Variants in CDC14B observed in about 807,000 individuals in gnomAD.
CDC14B encodes the protein cell division cycle 14B, also known as dual specificity protein phosphatase CDC14B.
CDC14B carries 22 observed loss-of-function variants against 64.2 expected under a neutral mutation model. The ratio of observed to expected loss-of-function variants is 0.34; its 90% CI spans 0.24 to 0.49. The LOEUF is 0.49. Ranked by LOEUF, CDC14B falls within the 20% of genes least tolerant of loss-of-function variation. The pLI, the probability that CDC14B is intolerant of heterozygous loss-of-function variation, is 0.99. For missense variants in CDC14B, 498 were observed against 629.9 expected (o/e 0.79, Z 2.24); for synonymous variants, 191 against 215.8 (o/e 0.89, Z 1.01).
intron 9 of CDC14B, among the ~76,000 whole-genome samples, chr9:96,530,766 A>C (rs1192255767): frequency 6.6e-6 from 1 of 151,936 alleles, no homozygotes; most frequent in Non-Finnish European, 1.5e-5. Flanking sequence ...AAAAGCTTTC[A>C]GTCTTTCACC....
chr9:96,505,509 C>A (rs1834002075), intron 13 of CDC14B, among the ~76,000 whole-genome samples: 1 of 152,226 alleles, frequency 6.6e-6, no homozygotes, highest in Non-Finnish European at 1.5e-5. Context: ...TGGCTGCAGG[C>A]TCTCACTCGG....
chr9:96,598,651 A>T (rs1326236042), intron 1 of CDC14B, among the ~76,000 whole-genome samples: 1 of 151,974 alleles, frequency 6.6e-6, no homozygotes, highest in Non-Finnish European at 1.5e-5. Context: ...TGAAGTCATT[A>T]AAAAAAACTA....
intron 1 of CDC14B, among the ~76,000 whole-genome samples, chr9:96,586,237 C>G (rs1414576082): frequency 6.6e-6 from 1 of 152,110 alleles, no homozygotes; most frequent in Admixed American, 6.5e-5. Flanking sequence ...GAAAAGGCTA[C>G]AGAATTAATG....
At chr9:96,560,462 A>C (rs1366496460) in intron 4 of CDC14B, among the ~76,000 whole-genome samples, 2 of 152,122 alleles carry the variant, frequency 1.3e-5, no homozygotes, top group Non-Finnish European at 2.9e-5. Flanking sequence ...GATTTATGTT[A>C]ATCTATGAGG....
At chr9:96,555,194 G>C (rs928475375) in intron 4 of CDC14B, among the ~76,000 whole-genome samples, 1 of 152,116 alleles carries the variant, frequency 6.6e-6, no homozygotes, top group Non-Finnish European at 1.5e-5. Flanking sequence ...CCTGTGTAAC[G>C]AACAGGATAC....
chr9:96,584,820 A>AT (rs1055270458), intron 1 of CDC14B, among the ~76,000 whole-genome samples: 14 of 151,842 alleles, frequency 9.2e-5, no homozygotes, highest in Non-Finnish European at 1.8e-4. Flanking sequence ...TGCCTGGCCA[A>AT]TTTTTTTGTC....
At chr9:96,586,410 C>T (rs1192546827) in intron 1 of CDC14B, among the ~76,000 whole-genome samples, 1 of 152,008 alleles carries the variant, frequency 6.6e-6, no homozygotes, top group Non-Finnish European at 1.5e-5. Context: ...TAATTGTATC[C>T]TTCTTCAGTC....
At chr9:96,508,870 C>T in intron 13 of CDC14B, among the ~76,000 whole-genome samples, 1 of 152,174 alleles carries the variant, frequency 6.6e-6, no homozygotes, top group East Asian at 1.9e-4. Flanking sequence ...GCAGGGTACA[C>T]GTGCAGGACA....
At chr9:96,542,730 G>A (rs2131879341) in intron 5 of CDC14B, among the ~76,000 whole-genome samples, 1 of 151,628 alleles carries the variant, frequency 6.6e-6, no homozygotes, top group East Asian at 1.9e-4. Flanking sequence ...CCCGGCCTCT[G>A]CCGGGCGCAG....
At position 96,515,012 on chromosome 9, in the gene CDC14B, G is replaced by A. The variant is rs1835438526; in HGVS notation, c.1344-5223C>T. ...TGGAAATGCACCAATTTAAACAGGC[G>A]ACCTCAGCTCCGACCTCCTACTTTC... is the stretch of plus-strand genomic sequence containing the variant. On this transcript the variant is annotated intron_variant, in intron 12 of 13. Coordinates refer to ENST00000375241, the MANE Select transcript of CDC14B (RefSeq NM_033331.4). This position sits in a 1 kb window ranked among gnomAD's most constrained non-coding sequence, Gnocchi z 4.3. The A allele has an allele frequency of 2.7e-6, 2 of 740,654 alleles. No individual in the cohort carries two copies. The highest frequency in any genetic ancestry group is 6.3e-5 in the Admixed American group (1 of 15,950). 45.9% of individuals were successfully genotyped at this position (740,654 alleles called of 1,614,324 possible). A position where few individuals can be genotyped will look rare whatever the true frequency, so the allele number is the denominator to read the frequency against.
At chr9:96,586,865 T>A (rs563143022) in intron 1 of CDC14B, among the ~76,000 whole-genome samples, 1 of 151,820 alleles carries the variant, frequency 6.6e-6, no homozygotes, top group African/African-American at 2.4e-5. Context: ...TAAAAAAACA[T>A]GAACTGGATT....
At chr9:96,568,097 TC>T (rs774705263) in intron 1 of CDC14B, among the ~76,000 whole-genome samples, 2 of 152,166 alleles carry the variant, frequency 1.3e-5, no homozygotes, top group Non-Finnish European at 1.5e-5. Flanking sequence ...TCATTTTCAT[TC>T]CCTCCTGTAT....
At chr9:96,536,014 C>T (rs1479874893) in intron 7 of CDC14B, among the ~76,000 whole-genome samples, 2 of 152,164 alleles carry the variant, frequency 1.3e-5, no homozygotes, top group Non-Finnish European at 2.9e-5. Flanking sequence ...AATAACAAAC[C>T]CGTGATCAGT....
At chr9:96,518,986 T>A (rs1347359586) in intron 12 of CDC14B, among the ~76,000 whole-genome samples, 3 of 150,570 alleles carry the variant, frequency 2.0e-5, no homozygotes, top group Non-Finnish European at 4.4e-5. Context: ...AATACAAAAA[T>A]TTAGCCGGGC....
chr9:96,536,258 C>G (rs963859337), intron 7 of CDC14B, among the ~76,000 whole-genome samples: 3 of 152,120 alleles, frequency 2.0e-5, no homozygotes, highest in Non-Finnish European at 4.4e-5. Flanking sequence ...CCCCTGCTAC[C>G]CCCCAGCCCA....
intron 1 of CDC14B, among the ~76,000 whole-genome samples, chr9:96,595,366 T>G (rs1004751071): frequency 2.2e-4 from 33 of 152,276 alleles, no homozygotes; most frequent in African/African-American, 7.7e-4. Context: ...CAGAAAAGCA[T>G]GACACGTAAA....
chr9:96,531,562 T>C (rs916119952), intron 9 of CDC14B, among the ~76,000 whole-genome samples: 1 of 152,062 alleles, frequency 6.6e-6, no homozygotes, highest in African/African-American at 2.4e-5. Flanking sequence ...TCATTTTTGT[T>C]ATTCTTCTTA....
chr9:96,609,428 G>C (rs1847172881), intron 1 of CDC14B, among the ~76,000 whole-genome samples: 1 of 152,122 alleles, frequency 6.6e-6, no homozygotes, highest in Non-Finnish European at 1.5e-5. Context: ...TTCTTTCTCA[G>C]TCTTCAGGGA....
chr9:96,608,718 T>C (rs897691623), intron 1 of CDC14B, among the ~76,000 whole-genome samples: 5 of 152,138 alleles, frequency 3.3e-5, no homozygotes, highest in African/African-American at 1.2e-4. Flanking sequence ...TTATATCCTC[T>C]GGGATAGCAA....
Sources: allele counts gnomAD v4.1 joint callset (sites outside exome capture counted in the v4.1 genomes callset), GRCh38; gene constraint gnomAD v4.1.1; non-coding constraint Gnocchi (gnomAD v3.1); transcripts MANE v1.5; gene names NCBI Gene and HGNC (gene_info 2026-07-23, HGNC 2026-07-21).